GRAMD1C: variants seen among roughly 807,000 people sequenced by gnomAD.
GRAMD1C encodes GRAM domain containing 1C, also known as protein Aster-C.
A neutral mutation model predicts 97.8 loss-of-function variants in GRAMD1C; 89 were observed. That is an observed-to-expected ratio of 0.91 (90% CI 0.77 to 1.09). The LOEUF (loss-of-function observed/expected upper bound fraction) is 1.09, where lower values mean the gene tolerates loss of function less well. Ranked by LOEUF, GRAMD1C falls within the 50% of genes least tolerant of loss-of-function variation. GRAMD1C has a pLI of 0.00. For missense variants in GRAMD1C, 740 were observed against 766.4 expected (o/e 0.97, Z 0.41); for synonymous variants, 256 against 267.0 (o/e 0.96, Z 0.40).
chr3:113,913,121 A>C, intron 9 of GRAMD1C: 1 of 1,284,942 alleles, frequency 7.8e-7, no homozygotes, highest in Non-Finnish European at 1.0e-6. Flanking sequence ...TGAATTTAGG[A>C]CTTTAGGAAG....
chr3:113,882,676 C>T (rs1007450847), intron 5 of GRAMD1C, 76 bp from the exon 6 acceptor site: 17 of 838,704 alleles, frequency 2.0e-5, no homozygotes, highest in Admixed American at 1.6e-4. Flanking sequence ...TAAGCAAGTC[C>T]GCATAGACTT....
intron 6 of GRAMD1C, among the ~76,000 whole-genome samples, chr3:113,890,295 G>C (rs1935667208): frequency 6.6e-6 from 1 of 152,208 alleles, no homozygotes; most frequent in Non-Finnish European, 1.5e-5. Flanking sequence ...CCCCTGCTGA[G>C]TGTCTGTGGG....
chr3:113,844,131 A>G (rs1459428699), intron 1 of GRAMD1C, among the ~76,000 whole-genome samples: 1 of 152,154 alleles, frequency 6.6e-6, no homozygotes, highest in Middle Eastern at 3.2e-3. Flanking sequence ...TGTTGCATGT[A>G]TAAATGTATG....
At chr3:113,854,529 T>C (rs1934043344) in intron 2 of GRAMD1C, among the ~76,000 whole-genome samples, 1 of 152,166 alleles carries the variant, frequency 6.6e-6, no homozygotes, top group Admixed American at 6.5e-5. Flanking sequence ...ACCTGAGAGT[T>C]GGGCATTGGA....
chr3:113,921,005 G>A (rs1031185872), intron 10 of GRAMD1C, among the ~76,000 whole-genome samples: 14 of 152,202 alleles, frequency 9.2e-5, no homozygotes, highest in East Asian at 1.9e-4. Flanking sequence ...AGATTAGTTC[G>A]TGACCCAGGT....
chr3:113,829,909 C>A (rs938722760), intron 1 of GRAMD1C, among the ~76,000 whole-genome samples: 1 of 152,052 alleles, frequency 6.6e-6, no homozygotes, highest in Non-Finnish European at 1.5e-5. Context: ...TCATGGAAAA[C>A]AAGGACGCAG....
intron 10 of GRAMD1C, among the ~76,000 whole-genome samples, chr3:113,927,110 T>C (rs1246944318): frequency 6.6e-6 from 1 of 152,014 alleles, no homozygotes; most frequent in Non-Finnish European, 1.5e-5. Context: ...AGGTGTTGTA[T>C]ACTGGCAGAA....
intron 9 of GRAMD1C, among the ~76,000 whole-genome samples, chr3:113,910,240 G>C (rs960777558): frequency 6.6e-6 from 1 of 152,050 alleles, no homozygotes; most frequent in Non-Finnish European, 1.5e-5. Flanking sequence ...AAAATTAGCC[G>C]GGTGTGGCGG....
At chr3:113,832,553 T>G (rs1709573354) in intron 1 of GRAMD1C, among the ~76,000 whole-genome samples, 1 of 152,166 alleles carries the variant, frequency 6.6e-6, no homozygotes, top group Non-Finnish European at 1.5e-5. Context: ...GAACTTTTTC[T>G]TCACCCCAAA....
chr3:113,844,574 T>C lies in GRAMD1C; in HGVS notation c.99T>C (p.Thr33=), dbSNP rs1224119578. The C allele has an allele frequency of 1.9e-6, 3 of 1,604,208 alleles. No individual in the cohort carries two copies. ...ATGTAGAGGAAAATCCTAGTCCAACTGTGGAAGAGAATAATGTGGTAGTTA... is the reference window on the plus strand; with the variant it reads ...ATGTAGAGGAAAATCCTAGTCCAACCGTGGAAGAGAATAATGTGGTAGTTA... ...QEDVEENPSP[T]VEENNVVVKK... The change falls in exon 2 of 18, where the codon ACT becomes ACC. Residue 33 remains threonine, a synonymous_variant. Transcript: ENST00000358160.
chr3:113,841,360 A>G (rs1011506275), intron 1 of GRAMD1C, among the ~76,000 whole-genome samples: 2 of 132,632 alleles, frequency 1.5e-5, no homozygotes, highest in Non-Finnish European at 3.1e-5. Flanking sequence ...ATCTCAGCTC[A>G]CCGCAACCTC....
At chr3:113,942,184 G>A (rs1204708465) in intron 17 of GRAMD1C, among the ~76,000 whole-genome samples, 1 of 151,476 alleles carries the variant, frequency 6.6e-6, no homozygotes, top group Admixed American at 6.6e-5. Context: ...AAAGTGTTGG[G>A]ATTGCAGGCA....
intron 1 of GRAMD1C, among the ~76,000 whole-genome samples, chr3:113,832,640 T>C (rs1424978582): frequency 6.6e-6 from 1 of 152,292 alleles, no homozygotes; most frequent in South Asian, 2.1e-4. Context: ...TCTACTTCCT[T>C]TCTCTATGAA....
At chr3:113,866,977 T>C (rs1248321) in intron 2 of GRAMD1C, among the ~76,000 whole-genome samples, 1 of 152,108 alleles carries the variant, frequency 6.6e-6, no homozygotes, top group Non-Finnish European at 1.5e-5. Flanking sequence ...TACAGGTGCC[T>C]GCCACCCTGC....
chr3:113,835,544 CGAG>C (rs1709619792), upstream of GRAMD1C, among the ~76,000 whole-genome samples: 2 of 152,048 alleles, frequency 1.3e-5, no homozygotes, highest in Admixed American at 6.5e-5. Flanking sequence ...AGTGATTTTG[CGAG>C]GAGGATTCAA....
rs571799051 is a variant in GRAMD1C, at chr3:113,857,853, T to G, written c.175-11654T>G. On this transcript the variant is annotated intron_variant, in intron 2 of 17. Transcript: ENST00000358160. ...CCTTGGATGCTGGAATGAACTCCACTTGGTCAAGTTATATAATTCTTTTTA... is the reference window on the plus strand; with the variant it reads ...CCTTGGATGCTGGAATGAACTCCACGTGGTCAAGTTATATAATTCTTTTTA... Among the ~76,000 whole-genome samples, 13 of 152,348 alleles carry G rather than the reference T, an allele frequency of 8.5e-5. No homozygotes were observed. In the South Asian group the frequency reaches 2.7e-3, roughly 32 times the overall value.
upstream of GRAMD1C, among the ~76,000 whole-genome samples, chr3:113,838,250 A>G (rs910549259): frequency 2.0e-5 from 3 of 152,312 alleles, no homozygotes; most frequent in Middle Eastern, 3.4e-3. Context: ...GCAGTTAATC[A>G]GTAACTTCAA....
At chr3:113,868,824 G>T (rs1234191239) in intron 2 of GRAMD1C, among the ~76,000 whole-genome samples, 1 of 152,086 alleles carries the variant, frequency 6.6e-6, no homozygotes, top group Non-Finnish European at 1.5e-5. Context: ...TTTGTGTTAC[G>T]CACATTGGAG....
intron 2 of GRAMD1C, among the ~76,000 whole-genome samples, chr3:113,857,265 C>T (rs192748372): frequency 6.6e-6 from 1 of 152,054 alleles, no homozygotes; most frequent in African/African-American, 2.4e-5. Context: ...ACATTCTTGC[C>T]TTTTTTCTGA....
Sources: allele counts gnomAD v4.1 joint callset (sites outside exome capture counted in the v4.1 genomes callset), GRCh38; gene constraint gnomAD v4.1.1; transcripts MANE v1.5; gene names NCBI Gene and HGNC (gene_info 2026-07-23, HGNC 2026-07-21).